The following CLASP2 variants were observed in gnomAD, a reference collection of about 807,000 sequenced individuals.
CLASP2 encodes CLIP-associating protein 2.
A neutral mutation model predicts 194.4 loss-of-function variants in CLASP2; 47 were observed. The ratio of observed to expected loss-of-function variants is 0.24; its 90% CI spans 0.19 to 0.31. The LOEUF (loss-of-function observed/expected upper bound fraction) is 0.31. Among genes scored for constraint, CLASP2 ranks in the 10% least tolerant of loss-of-function variants. The pLI, the probability that CLASP2 is intolerant of heterozygous loss-of-function variation, is 1.00. For missense variants in CLASP2, 1,445 were observed against 1,823.6 expected, an observed-to-expected ratio of 0.79 and a Z score of 3.78; for synonymous variants, 619 against 633.5, an observed-to-expected ratio of 0.98 and a Z score of 0.34.
At chr3:33,578,399 G>T (rs2065342551) in intron 23 of CLASP2, among the ~76,000 whole-genome samples, 1 of 151,996 alleles carries the variant, frequency 6.6e-6, no homozygotes, top group Admixed American at 6.6e-5. Context: ...ATACAGAAAT[G>T]AATAGCCAAA....
At chr3:33,706,759 C>T (rs1006398973) in intron 1 of CLASP2, among the ~76,000 whole-genome samples, 4 of 151,804 alleles carry the variant, frequency 2.6e-5, no homozygotes, top group South Asian at 2.1e-4. Context: ...CCCAGGAGTT[C>T]GAGACCAGCC....
intron 29 of CLASP2, 35 bp from the exon 30 acceptor site, chr3:33,551,430 G>C (rs1315558428): frequency 1.3e-6 from 2 of 1,596,940 alleles, no homozygotes; most frequent in Non-Finnish European, 1.7e-6. Flanking sequence ...AGGACAGAAA[G>C]ATGGTTATTG....
chr3:33,652,951 C>T (rs1245558877), intron 7 of CLASP2, among the ~76,000 whole-genome samples: 3 of 152,226 alleles, frequency 2.0e-5, no homozygotes, highest in Admixed American at 1.3e-4. Flanking sequence ...TAAGGCCAGA[C>T]CAGTATTGTC....
intron 1 of CLASP2, among the ~76,000 whole-genome samples, chr3:33,713,261 T>C (rs1490365219): frequency 6.6e-6 from 1 of 152,156 alleles, no homozygotes; most frequent in Non-Finnish European, 1.5e-5. Context: ...ATATTATCTA[T>C]AAATTTTATT....
intron 27 of CLASP2, among the ~76,000 whole-genome samples, chr3:33,564,927 T>C (rs926629815): frequency 4.6e-5 from 7 of 152,076 alleles, no homozygotes; most frequent in African/African-American, 1.2e-4. Context: ...ATCCTATCAA[T>C]GGTACTTAGT....
chr3:33,626,731 C>T (rs879790731), intron 10 of CLASP2, among the ~76,000 whole-genome samples: 3 of 150,750 alleles, frequency 2.0e-5, no homozygotes, highest in Admixed American at 6.6e-5. Context: ...ATTTTACTAA[C>T]CAGTCAAAAA....
chr3:33,570,690 C>G (rs2063560107), intron 26 of CLASP2, 37 bp downstream of exon 26: 2 of 1,577,154 alleles, frequency 1.3e-6, no homozygotes, highest in South Asian at 2.3e-5. Context: ...CAAATGATAC[C>G]CTATAGAAAT....
In CLASP2 at chr3:33,644,583, C is replaced by T. The variant is rs559505555; in HGVS notation, c.862+174G>A. 34 of 699,790 alleles carry T rather than the reference C, an allele frequency of 4.9e-5. 1 individual carries two copies. In the African/African-American group the frequency reaches 5.0e-4, roughly 10 times the overall value. 43.3% of individuals were successfully genotyped at this position (699,790 alleles called of 1,614,324 possible). The stretch of plus-strand genomic sequence containing the variant: ...CATTCTTAGAGGAAATAGCAGTATA[C>T]AATATTTTATACATTTCAAAAGGGC... On this transcript the variant is annotated intron_variant, in intron 8 of 38. Transcript: ENST00000682230.
At chr3:33,593,355 T>C (rs984328848) in intron 20 of CLASP2, among the ~76,000 whole-genome samples, 1 of 152,226 alleles carries the variant, frequency 6.6e-6, no homozygotes, top group African/African-American at 2.4e-5. Flanking sequence ...CCAATAAGGT[T>C]TGTCATTCAA....
intron 7 of CLASP2, chr3:33,645,264 C>T (rs1313077327): frequency 1.3e-6 from 1 of 765,246 alleles, no homozygotes; most frequent in Non-Finnish European, 2.4e-6. Flanking sequence ...TTCCTTATAC[C>T]CAGATTCTGC....
intron 6 of CLASP2, among the ~76,000 whole-genome samples, chr3:33,675,128 C>A (rs1471871134): frequency 1.3e-5 from 2 of 152,080 alleles, no homozygotes; most frequent in Non-Finnish European, 2.9e-5. Flanking sequence ...CGCAGAGACA[C>A]AACCAAAAAA....
chr3:33,608,736 T>TTA, intron 13 of CLASP2, 110 bp from the exon 14 acceptor site: 1 of 563,522 alleles, frequency 1.8e-6, no homozygotes, highest in Non-Finnish European at 2.9e-6. Flanking sequence ...AGACATGTTT[T>TTA]TAGATATCTT....
At chr3:33,614,190 C>T (rs373622357) in intron 12 of CLASP2, among the ~76,000 whole-genome samples, 3 of 151,896 alleles carry the variant, frequency 2.0e-5, no homozygotes, top group Non-Finnish European at 4.4e-5. Context: ...AGTATAATAA[C>T]GTGAAAAATG....
intron 18 of CLASP2, 30 bp from the exon 19 acceptor site, chr3:33,596,764 G>A: frequency 6.6e-7 from 1 of 1,521,342 alleles, no homozygotes; most frequent in Non-Finnish European, 8.9e-7. Flanking sequence ...AAAGAACAGA[G>A]GAAAACTTAG....
At chr3:33,686,799 C>G (rs1374267607) in intron 5 of CLASP2, among the ~76,000 whole-genome samples, 7 of 152,170 alleles carry the variant, frequency 4.6e-5, no homozygotes, top group Non-Finnish European at 8.8e-5. Flanking sequence ...CTCTTTGTTA[C>G]TCAGTCTCTC....
rs182775785 is a variant in CLASP2, at chr3:33,521,348, G to A, written c.3788-4174C>T. 3.3e-5 allele frequency among the ~76,000 whole-genome samples: 5 copies of A among 152,148 alleles called. No homozygotes were observed. The East Asian group carries it at 9.7e-4, about 29-fold the overall frequency. On this transcript the variant is annotated intron_variant, in intron 34 of 38. Coordinates refer to ENST00000682230, the MANE Select transcript of CLASP2 (RefSeq NM_001365631.1). ...AAAGAAAAAGTAATTTCACAGTAAA[G>A]AAGTCTGGTAAGCCCCACCATAATC... is the stretch of plus-strand genomic sequence containing the variant.
intron 32 of CLASP2, among the ~76,000 whole-genome samples, chr3:33,540,463 A>T (rs1216854707): frequency 1.3e-5 from 2 of 152,052 alleles, no homozygotes; most frequent in East Asian, 3.9e-4. Flanking sequence ...GTTTGTCCCA[A>T]ACTGCTGGCC....
At chr3:33,505,112 G>A (rs1261158925) in intron 37 of CLASP2, 2 of 152,086 alleles carry the variant, frequency 1.3e-5, no homozygotes, top group Non-Finnish European at 2.9e-5. Context: ...GTGGCTATGG[G>A]TAGTATGTTT....
chr3:33,602,772 A>G (rs986530357), intron 18 of CLASP2, 180 bp downstream of exon 18: 34 of 708,918 alleles, frequency 4.8e-5, no homozygotes, highest in African/African-American at 3.7e-4. Flanking sequence ...GAACAAGGGA[A>G]AAGGAGAAAC....
Sources: allele counts gnomAD v4.1 joint callset (sites outside exome capture counted in the v4.1 genomes callset), GRCh38; gene constraint gnomAD v4.1.1; transcripts MANE v1.5; gene names NCBI Gene and HGNC (gene_info 2026-07-23, HGNC 2026-07-21).